The following PLEKHH2 variants were observed in gnomAD, a reference collection of about 807,000 sequenced individuals.
PLEKHH2 encodes pleckstrin homology, MyTH4 and FERM domain containing H2.
PLEKHH2 carries 129 observed loss-of-function variants against 187.9 expected under a neutral mutation model. That is an observed-to-expected ratio of 0.69 (90% CI 0.59 to 0.79). The LOEUF (loss-of-function observed/expected upper bound fraction) is 0.79, where lower values mean the gene tolerates loss of function less well. Among genes scored for constraint, PLEKHH2 ranks in the 30% least tolerant of loss-of-function variants. The pLI, the probability that PLEKHH2 is intolerant of heterozygous loss-of-function variation, is 0.00. For synonymous variants in PLEKHH2, 686 were observed against 605.6 expected, an observed-to-expected ratio of 1.13 and a Z score of -1.95; for missense variants, 2,076 against 1,751.2, an observed-to-expected ratio of 1.19 and a Z score of -3.31.
At chr2:43,644,833 G>T in intron 2 of PLEKHH2, 37 bp downstream of exon 2, 3 of 1,552,452 alleles carry the variant, frequency 1.9e-6, no homozygotes, top group Non-Finnish European at 2.6e-6. Flanking sequence ...TTAAATGTCA[G>T]CTATTTAGGG....
chr2:43,684,891 A>T (rs1275352991), intron 3 of PLEKHH2, among the ~76,000 whole-genome samples: 2 of 151,374 alleles, frequency 1.3e-5, no homozygotes, highest in Non-Finnish European at 2.9e-5. Context: ...ACCTGTAGGC[A>T]TTTCTTTTTG....
chr2:43,729,601 T>C (rs1670939516), intron 17 of PLEKHH2, 36 bp from the exon 18 acceptor site: 2 of 1,393,748 alleles, frequency 1.4e-6, no homozygotes, highest in East Asian at 4.8e-5. Context: ...ATCAAAACTG[T>C]GTCTTAACAT....
chr2:43,726,812 T>A (rs1670772099), intron 17 of PLEKHH2, among the ~76,000 whole-genome samples: 1 of 152,170 alleles, frequency 6.6e-6, no homozygotes, highest in African/African-American at 2.4e-5. Context: ...CAGTAGAAAA[T>A]TAATTATTTT....
intron 23 of PLEKHH2, among the ~76,000 whole-genome samples, chr2:43,745,389 C>T (rs1671735413): frequency 1.3e-5 from 2 of 152,090 alleles, no homozygotes; most frequent in Admixed American, 6.5e-5. Flanking sequence ...ACTTATTTTG[C>T]AAATGAGAAA....
chr2:43,694,144 A>T (rs1668971426), intron 4 of PLEKHH2, among the ~76,000 whole-genome samples: 1 of 152,190 alleles, frequency 6.6e-6, no homozygotes, highest in Non-Finnish European at 1.5e-5. Context: ...CCATTCCCAG[A>T]AATGGCTTAT....
chr2:43,737,265 C>A (rs987958582), intron 19 of PLEKHH2, among the ~76,000 whole-genome samples: 1 of 152,184 alleles, frequency 6.6e-6, no homozygotes, highest in South Asian at 2.1e-4. Context: ...ACATTCACAA[C>A]GTCTGCATCC....
rs1321055598 is a variant in PLEKHH2, at chr2:43,697,316, A to G, written c.648A>G (p.Ser216=). 3.1e-6 allele frequency: 5 copies of G among 1,612,776 alleles called. No individual in the cohort carries two copies. Among genetic ancestry groups the G allele is most frequent in the Non-Finnish European group, 3.4e-6 (4 of 1,179,208 alleles). The change falls in exon 7 of 30, where the codon TCA becomes TCG. Residue 216 remains serine (S), a synonymous_variant. Coordinates refer to ENST00000282406, the MANE Select transcript of PLEKHH2 (RefSeq NM_172069.4). ...VVKSEEMSKI[S]SKEPEFTEGK... ...AATCTGAGGAAATGAGCAAGATATC[A>G]TCGAAAGAACCTGAGTTCACTGAAG... is the stretch of plus-strand genomic sequence containing the variant.
chr2:43,687,408 T>G (rs1337631585), intron 3 of PLEKHH2, among the ~76,000 whole-genome samples: 1 of 152,216 alleles, frequency 6.6e-6, no homozygotes, highest in East Asian at 1.9e-4. Context: ...ATGGGCACCT[T>G]GGTTGATTCC....
At position 43,743,984 on chromosome 2, in the gene PLEKHH2, A is replaced by C. The variant is rs981674734; in HGVS notation, c.3550A>C (p.Ile1184Leu). ...RDLEHCLQGN[I>L]KICDIISKWE... The stretch of plus-strand genomic sequence containing the variant: ...TTTAGAGCATTGTCTTCAAGGAAAC[A>C]TCAAGGTGAAACCAAGTCCTTTTCA... The change falls in exon 23 of 30, where the codon ATC becomes CTC. Residue 1184 changes from isoleucine (I) to leucine (L), a missense_variant. By Grantham distance (5) the Ile-to-Leu change is conservative (BLOSUM62 2). Coordinates refer to ENST00000282406, the MANE Select transcript of PLEKHH2 (RefSeq NM_172069.4). 6.2e-7 allele frequency: 1 copy of C among 1,613,394 alleles called. No homozygotes were observed.
Position 43,729,575 on chromosome 2 carries a change from TG to T in PLEKHH2, c.2722-61del, listed in dbSNP as rs1022284106. The T allele has an allele frequency of 3.5e-6, 4 of 1,128,380 alleles. No homozygotes were observed. In the African/African-American group the frequency reaches 4.7e-5, roughly 13 times the overall value. 69.9% of individuals were successfully genotyped at this position (1,128,380 alleles called of 1,614,324 possible). ...AAAGTTTTCTACTGTTTATGCAAGT[TG>T]TTTTTTTTTCTTTAATCAAAACTGT... On this transcript the variant is annotated intron_variant, in intron 17 of 29. Coordinates refer to ENST00000282406, the MANE Select transcript of PLEKHH2 (RefSeq NM_172069.4).
In PLEKHH2 at chr2:43,710,265, G is replaced by T. The variant is rs1669890314; in HGVS notation, c.2149G>T (p.Val717Phe). 1.2e-6 allele frequency: 2 copies of T among 1,614,154 alleles called. No individual in the cohort carries two copies. Reference protein sequence around the residue: ...SGYLLKMSGKVKSWKRRWFVL... With the variant: ...SGYLLKMSGKFKSWKRRWFVL... ...TTATTTATTAAAAATGAGTGGTAAA[G>T]TCAAGTCTTGGAAGCGGCGGTGGTT... Residue 717 changes from valine to phenylalanine, a missense_variant, in exon 13 of 30, where the codon GTC becomes TTC. Transcript: ENST00000282406.
At chr2:43,669,807 A>T (rs894467515) in intron 2 of PLEKHH2, among the ~76,000 whole-genome samples, 2 of 151,888 alleles carry the variant, frequency 1.3e-5, no homozygotes, top group African/African-American at 4.8e-5. Flanking sequence ...CCTGGGTTTG[A>T]GTGATTCTCA....
intron 11 of PLEKHH2, among the ~76,000 whole-genome samples, chr2:43,707,780 G>A (rs1266642139): frequency 6.6e-6 from 1 of 151,676 alleles, no homozygotes; most frequent in African/African-American, 2.4e-5. Context: ...TCTGTGAGAG[G>A]GAGATCACTT....
intron 26 of PLEKHH2, among the ~76,000 whole-genome samples, chr2:43,758,623 G>C (rs1169722073): frequency 3.3e-5 from 5 of 152,168 alleles, no homozygotes; most frequent in Admixed American, 1.3e-4. Context: ...GCTAAGTTTT[G>C]ATGGTAGATA....
chr2:43,649,522 G>T (rs573432495), intron 2 of PLEKHH2, among the ~76,000 whole-genome samples: 1 of 152,298 alleles, frequency 6.6e-6, no homozygotes, highest in South Asian at 2.1e-4. Flanking sequence ...TGCCTCATAG[G>T]AATAAGGAGT....
chr2:43,740,052 C>T (rs537850457), intron 20 of PLEKHH2, among the ~76,000 whole-genome samples: 3 of 152,238 alleles, frequency 2.0e-5, no homozygotes, highest in African/African-American at 7.2e-5. Flanking sequence ...CCTATTTCTC[C>T]CTCTTTTTTA....
chr2:43,729,882 T>C (rs920523817), intron 18 of PLEKHH2, 137 bp downstream of exon 18: 18 of 516,226 alleles, frequency 3.5e-5, no homozygotes, highest in African/African-American at 3.1e-4. Context: ...TTGCTCATCA[T>C]GGGAGAGAAT....
chr2:43,726,929 A>G (rs1386242271), intron 17 of PLEKHH2, among the ~76,000 whole-genome samples: 1 of 150,516 alleles, frequency 6.6e-6, no homozygotes, highest in African/African-American at 2.5e-5. Context: ...TTATATATTG[A>G]GGAAATTGGC....
chr2:43,728,776 G>C (rs888208424), intron 17 of PLEKHH2, among the ~76,000 whole-genome samples: 2 of 151,864 alleles, frequency 1.3e-5, no homozygotes, highest in African/African-American at 4.8e-5. Flanking sequence ...TGGCCAGGCT[G>C]GTCTCAAACC....
Sources: allele counts gnomAD v4.1 joint callset (sites outside exome capture counted in the v4.1 genomes callset), GRCh38; gene constraint gnomAD v4.1.1; transcripts MANE v1.5; gene names NCBI Gene and HGNC (gene_info 2026-07-23, HGNC 2026-07-21).